The following CDH13 variants were observed in gnomAD, a reference collection of about 807,000 sequenced individuals.
CDH13 encodes the protein cadherin-13.
In CDH13, 24 loss-of-function variants were observed where a neutral mutation model predicts 63.8. That is an observed-to-expected ratio of 0.38 (90% CI 0.27 to 0.53). CDH13 has a LOEUF of 0.53. Among genes scored for constraint, CDH13 ranks in the 20% least tolerant of loss-of-function variants. CDH13 has a pLI of 0.85. For synonymous variants in CDH13, 503 were observed against 355.3 expected, an observed-to-expected ratio of 1.42 and a Z score of -4.67; for missense variants, 1,049 against 903.1, an observed-to-expected ratio of 1.16 and a Z score of -2.07.
At chr16:83,255,661 C>T (rs1266485774) in intron 5 of CDH13, among the ~76,000 whole-genome samples, 1 of 152,088 alleles carries the variant, frequency 6.6e-6, no homozygotes, top group Non-Finnish European at 1.5e-5. Context: ...TTTTCCTGGC[C>T]TGCTAGGATA....
intron 7 of CDH13, among the ~76,000 whole-genome samples, chr16:83,487,435 T>G (rs6563912): frequency 0.52 from 78,947 of 152,026 alleles, 20,985 homozygotes; most frequent in East Asian, 0.83. Flanking sequence ...ATCCAGGGTC[T>G]GCTGTCCCCT....
intron 6 of CDH13, among the ~76,000 whole-genome samples, chr16:83,451,706 C>T (rs532086955): frequency 6.6e-6 from 1 of 152,238 alleles, no homozygotes; most frequent in East Asian, 1.9e-4. Context: ...TTTGTAGAGA[C>T]GAGGTCCCAC....
At chr16:82,787,285 G>C (rs1199580739) in intron 1 of CDH13, among the ~76,000 whole-genome samples, 2 of 152,072 alleles carry the variant, frequency 1.3e-5, no homozygotes, top group East Asian at 1.9e-4. Flanking sequence ...CAATCTACTG[G>C]TTTGTATTAT....
chr16:82,655,145 C>A (rs887310914), intron 1 of CDH13, among the ~76,000 whole-genome samples: 1 of 152,236 alleles, frequency 6.6e-6, no homozygotes, highest in Non-Finnish European at 1.5e-5. Flanking sequence ...AACACATTTA[C>A]TGAATGCCCG....
At chr16:83,565,796 T>C (rs1019911392) in intron 7 of CDH13, among the ~76,000 whole-genome samples, 1 of 152,232 alleles carries the variant, frequency 6.6e-6, no homozygotes, top group Non-Finnish European at 1.5e-5. Context: ...TATTCTTTTC[T>C]GGCTTCTGAC....
chr16:83,465,871 A>G (rs188712488), intron 6 of CDH13, among the ~76,000 whole-genome samples: 3 of 152,334 alleles, frequency 2.0e-5, no homozygotes, highest in African/African-American at 7.2e-5. Context: ...CCATTTTGGC[A>G]CCGTGAACTT....
intron 8 of CDH13, among the ~76,000 whole-genome samples, chr16:83,646,438 C>G (rs1411724870): frequency 6.6e-6 from 1 of 152,142 alleles, no homozygotes; most frequent in Non-Finnish European, 1.5e-5. Context: ...CAGTGGTTCA[C>G]ACCTGTAATC....
chr16:83,530,641 C>T (rs1012348587), intron 7 of CDH13, among the ~76,000 whole-genome samples: 2 of 152,220 alleles, frequency 1.3e-5, no homozygotes, highest in African/African-American at 4.8e-5. Flanking sequence ...TCAATCTGCC[C>T]ATCATCTTAA....
intron 6 of CDH13, among the ~76,000 whole-genome samples, chr16:83,476,399 G>A (rs13338522): frequency 7.2e-5 from 11 of 152,086 alleles, no homozygotes; most frequent in East Asian, 5.8e-4. Flanking sequence ...TTGGCTGGGC[G>A]CAGTGGCTCA....
chr16:82,643,715 C>G (rs747159244), intron 1 of CDH13, among the ~76,000 whole-genome samples: 6 of 152,002 alleles, frequency 3.9e-5, no homozygotes, highest in Non-Finnish European at 5.9e-5. Flanking sequence ...GCAAAGCTCT[C>G]AGAGACTGAA....
At chr16:82,814,868 A>G (rs1205940163) in intron 1 of CDH13, among the ~76,000 whole-genome samples, 1 of 152,056 alleles carries the variant, frequency 6.6e-6, no homozygotes, top group Non-Finnish European at 1.5e-5. Context: ...CTTTATCTCC[A>G]GGTAGATATT....
At chr16:83,755,268 A>C (rs74034814) in intron 11 of CDH13, among the ~76,000 whole-genome samples, 1,688 of 152,278 alleles carry the variant, frequency 0.011, 34 homozygotes, top group African/African-American at 0.039. Context: ...ATCTATAGCA[A>C]ACACCACAAG....
At chr16:83,041,717 A>G (rs973289237) in intron 3 of CDH13, among the ~76,000 whole-genome samples, 9 of 152,208 alleles carry the variant, frequency 5.9e-5, no homozygotes, top group Non-Finnish European at 8.8e-5. Context: ...ATGACCAAAA[A>G]TCAGAAACGA....
At chr16:82,657,643 C>T (rs1171756112) in intron 1 of CDH13, among the ~76,000 whole-genome samples, 1 of 152,194 alleles carries the variant, frequency 6.6e-6, no homozygotes, top group Non-Finnish European at 1.5e-5. Context: ...ATTTCATGTA[C>T]ACAGTTTGCT....
At chr16:83,126,332 T>G (rs1475937802) in intron 4 of CDH13, among the ~76,000 whole-genome samples, 1 of 152,040 alleles carries the variant, frequency 6.6e-6, no homozygotes, top group African/African-American at 2.4e-5. Context: ...TTGGCTGGAG[T>G]TGGATTGCAC....
intron 6 of CDH13, among the ~76,000 whole-genome samples, chr16:83,393,338 G>A (rs531464485): frequency 2.8e-4 from 42 of 152,174 alleles, no homozygotes; most frequent in Non-Finnish European, 3.8e-4. Flanking sequence ...TGCAGTTACT[G>A]CAGAGGGACA....
rs1162938189 is a variant in CDH13 at position 83,795,205 on chromosome 16, A to C, written c.*175A>C. ...ACTTAGTCTGTACTTCATCATTTTG[A>C]CAGCATCTTCCTCCCTCCTTTAATT... On this transcript the variant is annotated 3_prime_UTR_variant, in exon 14 of 14. Transcript: ENST00000567109. 3.6e-6 allele frequency: 2 copies of C among 559,230 alleles called. No individual in the cohort carries two copies. Among genetic ancestry groups the C allele is most frequent in the South Asian group, 5.0e-5 (2 of 39,980 alleles). 34.6% of individuals were successfully genotyped at this position (559,230 alleles called of 1,614,324 possible). A position where few individuals can be genotyped will look rare whatever the true frequency, so the allele number is the denominator to read the frequency against.
chr16:82,729,407 G>T (rs975809646), intron 1 of CDH13, among the ~76,000 whole-genome samples: 2 of 152,096 alleles, frequency 1.3e-5, no homozygotes, highest in African/African-American at 2.4e-5. Context: ...TAACAGGCAT[G>T]AAAAAACTAG....
intron 3 of CDH13, among the ~76,000 whole-genome samples, chr16:83,056,949 C>G (rs905256725): frequency 6.6e-6 from 1 of 151,998 alleles, no homozygotes; most frequent in South Asian, 2.1e-4. Flanking sequence ...GTCCATTAAA[C>G]CTTTTTTACT....
Sources: allele counts gnomAD v4.1 joint callset (sites outside exome capture counted in the v4.1 genomes callset), GRCh38; gene constraint gnomAD v4.1.1; transcripts MANE v1.5; gene names NCBI Gene and HGNC (gene_info 2026-07-23, HGNC 2026-07-21).